The following ACTR2 variants were observed in gnomAD, a reference collection of about 807,000 sequenced individuals.
ACTR2 encodes actin related protein 2.
Under a neutral mutation model 50.2 loss-of-function variants are expected in ACTR2, and 5 were observed. The ratio of observed to expected loss-of-function variants is 0.10; its 90% CI spans 0.05 to 0.21. The LOEUF (loss-of-function observed/expected upper bound fraction) is 0.21. Among genes scored for constraint, ACTR2 ranks in the 10% least tolerant of loss-of-function variants. The pLI is 1.00. For missense variants in ACTR2, 180 were observed against 480.6 expected (o/e 0.37, Z 5.85); for synonymous variants, 140 against 162.9 (o/e 0.86, Z 1.07).
In ACTR2 at chr2:65,270,512, C is replaced by G. The variant is rs1672473103; in HGVS notation, c.*1778C>G. On this transcript the variant is annotated 3_prime_UTR_variant, in exon 9 of 9. Coordinates refer to ENST00000260641, the MANE Select transcript of ACTR2 (RefSeq NM_005722.4). Reference sequence around the variant, plus strand: ...GAATAAGTTCTTATATAAATACCCCCAGCCTTTTGAGAACGGGGCTTGTTA... The same window carrying G: ...GAATAAGTTCTTATATAAATACCCCGAGCCTTTTGAGAACGGGGCTTGTTA... 6.6e-6 allele frequency: 1 copy of G among 152,560 alleles called. No homozygotes were observed. The highest frequency in any genetic ancestry group is 1.5e-5 in the Non-Finnish European group (1 of 68,040). 9.5% of individuals were successfully genotyped at this position (152,560 alleles called of 1,614,324 possible). A position where few individuals can be genotyped will look rare whatever the true frequency, so the allele number is the denominator to read the frequency against.
chr2:65,263,938 C>G (rs1218383611), intron 7 of ACTR2, among the ~76,000 whole-genome samples: 1 of 152,078 alleles, frequency 6.6e-6, no homozygotes, highest in Non-Finnish European at 1.5e-5. Flanking sequence ...GCCTGTAATC[C>G]CAGCTACTCG....
At chr2:65,255,108 G>A (rs947015979) in intron 5 of ACTR2, among the ~76,000 whole-genome samples, 1 of 152,034 alleles carries the variant, frequency 6.6e-6, no homozygotes, top group Non-Finnish European at 1.5e-5. Context: ...CTTCTAATAT[G>A]TGCCAGACAC....
intron 2 of ACTR2, 109 bp downstream of exon 2, chr2:65,240,071 A>G: frequency 1.4e-6 from 1 of 700,410 alleles, no homozygotes; most frequent in Non-Finnish European, 2.4e-6. Context: ...CATGAAAAGC[A>G]AAGGGGAGGG....
intron 6 of ACTR2, among the ~76,000 whole-genome samples, chr2:65,256,700 G>A (rs185837568): frequency 3.3e-5 from 5 of 152,098 alleles, no homozygotes; most frequent in East Asian, 1.9e-4. Context: ...GGTGAAACCC[G>A]TCTTTACTGA....
At chr2:65,248,596 T>C (rs1558624237) in intron 3 of ACTR2, among the ~76,000 whole-genome samples, 2 of 152,034 alleles carry the variant, frequency 1.3e-5, no homozygotes. Context: ...GTAGTAGAGA[T>C]AGTGAGAAAT....
intron 1 of ACTR2, among the ~76,000 whole-genome samples, chr2:65,229,516 G>T (rs1671595101): frequency 6.6e-6 from 1 of 152,156 alleles, no homozygotes; most frequent in Non-Finnish European, 1.5e-5. Flanking sequence ...AGCACTTTGG[G>T]AGGTCTAGGC....
At chr2:65,239,597 A>G (rs13398136) in intron 1 of ACTR2, among the ~76,000 whole-genome samples, 15,476 of 152,284 alleles carry the variant, frequency 0.1, 885 homozygotes, top group Middle Eastern at 0.17. Context: ...CCCTGCTCTT[A>G]TGAGGCTTTT....
intron 6 of ACTR2, among the ~76,000 whole-genome samples, chr2:65,259,418 T>C (rs1310592090): frequency 6.6e-6 from 1 of 151,316 alleles, no homozygotes; most frequent in Non-Finnish European, 1.5e-5. Flanking sequence ...GAAGACCCTA[T>C]CTCAAAAAAA....
intron 6 of ACTR2, among the ~76,000 whole-genome samples, chr2:65,260,856 G>T (rs191568736): frequency 6.7e-6 from 1 of 148,970 alleles, no homozygotes; most frequent in African/African-American, 2.5e-5. Context: ...CAGCCTCCCC[G>T]AGTAGCTGGG....
intron 2 of ACTR2, among the ~76,000 whole-genome samples, chr2:65,241,326 T>C (rs1246459444): frequency 6.6e-6 from 1 of 152,172 alleles, no homozygotes; most frequent in Non-Finnish European, 1.5e-5. Context: ...TGAAGAAATA[T>C]CATGTATAGC....
chr2:65,258,183 G>T (rs1363377587), intron 6 of ACTR2, among the ~76,000 whole-genome samples: 1 of 152,128 alleles, frequency 6.6e-6, no homozygotes, highest in African/African-American at 2.4e-5. Flanking sequence ...GGAAGAAAGT[G>T]GCTGGCACAG....
chr2:65,254,608 G>A (rs1221700884), intron 5 of ACTR2, among the ~76,000 whole-genome samples: 2 of 152,144 alleles, frequency 1.3e-5, no homozygotes, highest in Non-Finnish European at 2.9e-5. Context: ...GTCCTCTGGG[G>A]GATATTAGCA....
intron 2 of ACTR2, among the ~76,000 whole-genome samples, chr2:65,243,196 T>C (rs867348529): frequency 9.9e-5 from 15 of 152,168 alleles, no homozygotes; most frequent in African/African-American, 3.4e-4. Flanking sequence ...GGAGAATCGC[T>C]TGAACCCGGG....
chr2:65,230,130 C>T (rs1045984808), intron 1 of ACTR2, among the ~76,000 whole-genome samples: 1 of 152,188 alleles, frequency 6.6e-6, no homozygotes, highest in Admixed American at 6.5e-5. Context: ...ACGCATGTTA[C>T]ATGTGCGGCT....
chr2:65,267,862 CTTTTTTTTTTTTT>C (rs70943640), intron 8 of ACTR2, among the ~76,000 whole-genome samples: 25 of 47,412 alleles, frequency 5.3e-4, no homozygotes, highest in South Asian at 2.4e-3. Context: ...TGCAAGTCCT[CTTTTTTTTTTTTT>C]TTTTTTTTTT....
intron 3 of ACTR2, among the ~76,000 whole-genome samples, chr2:65,250,509 C>T (rs1672026181): frequency 1.3e-5 from 2 of 150,866 alleles, no homozygotes; most frequent in African/African-American, 4.9e-5. Flanking sequence ...CCTGTCTGTA[C>T]TAAAAATACA....
intron 2 of ACTR2, among the ~76,000 whole-genome samples, chr2:65,244,367 AT>A (rs34953106): frequency 0.53 from 80,649 of 151,834 alleles, 21,778 homozygotes; most frequent in East Asian, 0.79. Context: ...ACAGGTATAG[AT>A]TTCCCCCCTA....
At position 65,241,909 on chromosome 2, in the gene ACTR2, T is replaced by C. The variant is rs890532903; in HGVS notation, c.159+1947T>C. On this transcript the variant is annotated intron_variant, in intron 2 of 8. Transcript: ENST00000260641. ...CCCTAATTATTAACTCCATTAAATATAGTAGTACTGCATCTGACCTCAACC... is the reference window on the plus strand; with the variant it reads ...CCCTAATTATTAACTCCATTAAATACAGTAGTACTGCATCTGACCTCAACC... The C allele has an allele frequency of 2.1e-5, 21 of 984,842 alleles. No individual in the cohort carries two copies. The South Asian group carries it at 3.6e-4, about 17-fold the overall frequency. 61.0% of individuals were successfully genotyped at this position (984,842 alleles called of 1,614,324 possible).
intron 2 of ACTR2, chr2:65,246,143 A>G (rs925264210): frequency 1.9e-5 from 3 of 161,802 alleles, no homozygotes; most frequent in African/African-American, 7.2e-5. Context: ...GCATTTTTCT[A>G]CAAGTTTTTT....
Sources: gnomAD v4.1 joint callset for allele counts (sites outside exome capture counted in the v4.1 genomes callset) on GRCh38, gnomAD v4.1.1 for gene constraint, MANE v1.5 for transcripts, NCBI Gene and HGNC (gene_info 2026-07-23, HGNC 2026-07-21) for gene names.